Variants in PARD3B observed in about 807,000 individuals in gnomAD.
PARD3B encodes par-3 family cell polarity regulator beta, also known as partitioning defective 3 homolog B.
In PARD3B, 103 loss-of-function variants were observed where a neutral mutation model predicts 130.2. The ratio of observed to expected loss-of-function variants is 0.79; its 90% CI spans 0.67 to 0.93. PARD3B has a LOEUF of 0.93. Ranked by LOEUF, PARD3B falls within the 40% of genes least tolerant of loss-of-function variation. The pLI is 0.00. For missense variants in PARD3B, 1,609 were observed against 1,499.2 expected, an observed-to-expected ratio of 1.07 and a Z score of -1.21; for synonymous variants, 583 against 553.2, an observed-to-expected ratio of 1.05 and a Z score of -0.76.
chr2:205,615,815 TGAGTGCCACC>T lies in PARD3B; in HGVS notation c.*6_*15del. The T allele has an allele frequency of 6.2e-7, 1 of 1,608,644 alleles. No homozygotes were observed. The highest frequency in any genetic ancestry group is 8.5e-7 in the Non-Finnish European group (1 of 1,176,846). ...AACCCCATGACTGCAGCCGTATAGC[TGAGTGCCACC>T]GAGGCCAGCCCGGTCCAGAAAGGAA... On this transcript the variant is annotated 3_prime_UTR_variant, in exon 23 of 23. Coordinates refer to ENST00000406610, the MANE Select transcript of PARD3B (RefSeq NM_001302769.2).
At chr2:204,559,026 T>C (rs971943346) in intron 1 of PARD3B, among the ~76,000 whole-genome samples, 15 of 152,182 alleles carry the variant, frequency 9.9e-5, no homozygotes, top group African/African-American at 3.6e-4. Context: ...CCTTACACCT[T>C]ATACAAAAAT....
At chr2:204,704,410 C>T (rs1220641240) in intron 2 of PARD3B, among the ~76,000 whole-genome samples, 2 of 152,102 alleles carry the variant, frequency 1.3e-5, no homozygotes, top group Non-Finnish European at 2.9e-5. Context: ...GAAATACTGT[C>T]AGAGTCATGC....
chr2:205,095,837 C>T (rs1055190543), intron 4 of PARD3B, among the ~76,000 whole-genome samples: 1 of 151,962 alleles, frequency 6.6e-6, no homozygotes, highest in Non-Finnish European at 1.5e-5. Flanking sequence ...TTTCACTGGT[C>T]TTTTAAAATC....
At chr2:204,788,251 T>C (rs1368310417) in intron 2 of PARD3B, among the ~76,000 whole-genome samples, 2 of 152,212 alleles carry the variant, frequency 1.3e-5, no homozygotes, top group East Asian at 3.9e-4. Flanking sequence ...TCAAAGAAGA[T>C]AGCCACTGCC....
intron 18 of PARD3B, among the ~76,000 whole-genome samples, chr2:205,342,423 A>G (rs990017992): frequency 6.6e-6 from 1 of 152,192 alleles, no homozygotes; most frequent in African/African-American, 2.4e-5. Flanking sequence ...ACCAACATGA[A>G]GTATGTTGAA....
intron 18 of PARD3B, among the ~76,000 whole-genome samples, chr2:205,318,721 A>G (rs1377108975): frequency 6.6e-6 from 1 of 152,154 alleles, no homozygotes; most frequent in Non-Finnish European, 1.5e-5. Context: ...AAATGCAGAC[A>G]TGGGGACATG....
chr2:204,578,189 G>A (rs1220840861), intron 1 of PARD3B, among the ~76,000 whole-genome samples: 1 of 152,204 alleles, frequency 6.6e-6, no homozygotes, highest in Non-Finnish European at 1.5e-5. Flanking sequence ...ATACTTTAGT[G>A]TACAGTTCTG....
chr2:204,866,962 A>G (rs1283503485), intron 2 of PARD3B, among the ~76,000 whole-genome samples: 1 of 152,064 alleles, frequency 6.6e-6, no homozygotes, highest in Non-Finnish European at 1.5e-5. Context: ...CCAACTACTC[A>G]GGAGGCTGAA....
intron 2 of PARD3B, among the ~76,000 whole-genome samples, chr2:204,809,573 G>T (rs192902240): frequency 6.6e-6 from 1 of 152,112 alleles, no homozygotes; most frequent in Non-Finnish European, 1.5e-5. Context: ...TTATTTCTGG[G>T]GTCTCTGTTC....
rs927606675 is a variant in PARD3B at position 204,689,779 on chromosome 2, C to A, written c.222+3497C>A. 1.3e-5 allele frequency among the ~76,000 whole-genome samples: 2 copies of A among 152,176 alleles called. No homozygotes were observed. The highest frequency in any genetic ancestry group is 2.9e-5 in the Non-Finnish European group (2 of 68,040). On this transcript the variant is annotated intron_variant, in intron 2 of 22. Transcript: ENST00000406610. The surrounding 1 kb of genome is among the most constrained non-coding windows in gnomAD (Gnocchi z 5.2). Reference sequence around the variant, plus strand: ...AAGATCACACAGGTAGTAAATGGCACAATCAGACTCTGGAACCTAGAATTT... The same window carrying A: ...AAGATCACACAGGTAGTAAATGGCAAAATCAGACTCTGGAACCTAGAATTT...
At chr2:205,295,583 T>G (rs1478668474) in intron 16 of PARD3B, among the ~76,000 whole-genome samples, 1 of 152,224 alleles carries the variant, frequency 6.6e-6, no homozygotes, top group African/African-American at 2.4e-5. Flanking sequence ...AAACTTGCCA[T>G]GTATCTGGAA....
intron 16 of PARD3B, among the ~76,000 whole-genome samples, chr2:205,277,399 G>A (rs2040991493): frequency 6.6e-6 from 1 of 152,168 alleles, no homozygotes; most frequent in African/African-American, 2.4e-5. Flanking sequence ...GATTAAACTT[G>A]TGAATACTGT....
At chr2:205,043,704 A>G (rs1312857992) in intron 3 of PARD3B, among the ~76,000 whole-genome samples, 1 of 152,100 alleles carries the variant, frequency 6.6e-6, no homozygotes, top group Non-Finnish European at 1.5e-5. Flanking sequence ...CTTCTACTCT[A>G]CCATATATTC....
chr2:204,646,749 A>G (rs548124427), intron 1 of PARD3B, among the ~76,000 whole-genome samples: 2 of 152,134 alleles, frequency 1.3e-5, no homozygotes, highest in South Asian at 2.1e-4. Flanking sequence ...GTTCTTCCAC[A>G]TCCTAGAGTA....
chr2:204,716,084 A>G lies in PARD3B; in HGVS notation c.222+29802A>G, dbSNP rs144983422. Among the ~76,000 whole-genome samples, 3 of 152,350 alleles carry G rather than the reference A, an allele frequency of 2.0e-5. No individual in the cohort carries two copies. In the East Asian group the frequency reaches 5.8e-4, roughly 29 times the overall value. On this transcript the variant is annotated intron_variant, in intron 2 of 22. Coordinates refer to ENST00000406610, the MANE Select transcript of PARD3B (RefSeq NM_001302769.2). ...AGTACTTTAAATGTAGGAACTAATT[A>G]TTAATTGCATTTGTATCTCAGCAGA...
intron 20 of PARD3B, among the ~76,000 whole-genome samples, chr2:205,475,428 C>T (rs1043450281): frequency 7.9e-5 from 12 of 152,282 alleles, no homozygotes; most frequent in African/African-American, 1.4e-4. Context: ...ACAGCTAACT[C>T]GGTCTCTTTT....
intron 1 of PARD3B, among the ~76,000 whole-genome samples, chr2:204,683,861 T>A (rs2036954669): frequency 6.6e-6 from 1 of 152,176 alleles, no homozygotes; most frequent in Non-Finnish European, 1.5e-5. Context: ...CCAAAATGTA[T>A]CAAGATACTT....
chr2:204,861,601 C>G (rs1392792072), intron 2 of PARD3B, among the ~76,000 whole-genome samples: 3 of 151,978 alleles, frequency 2.0e-5, no homozygotes, highest in African/African-American at 7.2e-5. Flanking sequence ...CTGGAGATGC[C>G]TCTGAGCCAC....
intron 1 of PARD3B, among the ~76,000 whole-genome samples, chr2:204,590,887 T>A (rs2033044526): frequency 6.6e-6 from 1 of 152,220 alleles, no homozygotes; most frequent in African/African-American, 2.4e-5. Context: ...AAAAGGTGTT[T>A]TCAAGTTGTA....
Sources: allele counts gnomAD v4.1 joint callset (sites outside exome capture counted in the v4.1 genomes callset), GRCh38; gene constraint gnomAD v4.1.1; non-coding constraint Gnocchi (gnomAD v3.1); transcripts MANE v1.5; gene names NCBI Gene and HGNC (gene_info 2026-07-23, HGNC 2026-07-21).